HS2ST1: variants seen among roughly 807,000 people sequenced by gnomAD.
HS2ST1 encodes the protein 2-O-sulfotransferase.
In HS2ST1, 18 loss-of-function variants were observed where a neutral mutation model predicts 42.9. The ratio of observed to expected loss-of-function variants is 0.42; its 90% confidence interval spans 0.29 to 0.62. The LOEUF (loss-of-function observed/expected upper bound fraction) is 0.62. Among genes scored for constraint, HS2ST1 ranks in the 20% least tolerant of loss-of-function variants. The pLI is 0.21. For missense variants in HS2ST1, 334 were observed against 433.8 expected (o/e 0.77, Z 2.04); for synonymous variants, 146 against 152.9 (o/e 0.95, Z 0.33).
intron 1 of HS2ST1, among the ~76,000 whole-genome samples, chr1:87,057,667 C>G (rs189674039): frequency 6.6e-6 from 1 of 151,110 alleles, no homozygotes; most frequent in Non-Finnish European, 1.5e-5. Flanking sequence ...CTGGCTAACA[C>G]GGTGAAACCC....
intron 4 of HS2ST1, among the ~76,000 whole-genome samples, 194 bp downstream of exon 4, chr1:87,092,863 T>C (rs1651978695): frequency 6.6e-6 from 1 of 152,016 alleles, no homozygotes; most frequent in South Asian, 2.1e-4. Context: ...CATTTTTTTG[T>C]GATTTTTAAA....
chr1:87,072,499 TTG>T (rs34124612), intron 1 of HS2ST1, among the ~76,000 whole-genome samples: 105,271 of 151,446 alleles, frequency 0.7, 38,842 homozygotes, highest in East Asian at 0.97. Flanking sequence ...CATGCAATCT[TTG>T]TGTGTTTGAG....
intron 1 of HS2ST1, among the ~76,000 whole-genome samples, chr1:87,013,665 A>C (rs10873814): frequency 1.3e-5 from 2 of 152,044 alleles, no homozygotes; most frequent in Non-Finnish European, 2.9e-5. Flanking sequence ...TTTCTTTTCT[A>C]TTGCATTGTC....
chr1:86,932,631 T>C (rs1229603022), intron 1 of HS2ST1, among the ~76,000 whole-genome samples: 1 of 152,152 alleles, frequency 6.6e-6, no homozygotes, highest in African/African-American at 2.4e-5. Flanking sequence ...TCTCTGTCTG[T>C]ATTAGAACAG....
At chr1:86,992,297 C>T (rs1449393879) in intron 1 of HS2ST1, among the ~76,000 whole-genome samples, 1 of 151,252 alleles carries the variant, frequency 6.6e-6, no homozygotes, top group Non-Finnish European at 1.5e-5. Flanking sequence ...ACATTCTCAT[C>T]TTGAATAACT....
chr1:86,979,667 T>C (rs1648522055), intron 1 of HS2ST1, among the ~76,000 whole-genome samples: 1 of 152,254 alleles, frequency 6.6e-6, no homozygotes, highest in South Asian at 2.1e-4. Context: ...GCCATGAACC[T>C]GGGTGTACAA....
chr1:87,104,447 T>C, intron 6 of HS2ST1, 23 bp from the exon 7 acceptor site: 2 of 1,457,356 alleles, frequency 1.4e-6, no homozygotes, highest in Non-Finnish European at 1.9e-6. Context: ...TTACCTTTCC[T>C]TTTTTTCCCC....
chr1:87,051,205 G>T (rs1025553860), intron 1 of HS2ST1, among the ~76,000 whole-genome samples: 1 of 151,700 alleles, frequency 6.6e-6, no homozygotes, highest in African/African-American at 2.4e-5. Context: ...AAAAAGTCAC[G>T]TTAATTCTAC....
intron 2 of HS2ST1, among the ~76,000 whole-genome samples, chr1:87,081,843 T>G (rs961806416): frequency 5.3e-5 from 8 of 151,464 alleles, no homozygotes; most frequent in African/African-American, 1.2e-4. Flanking sequence ...AAAAATTATC[T>G]GGGTGCTCTA....
chr1:86,932,820 A>G (rs1245574785), intron 1 of HS2ST1, among the ~76,000 whole-genome samples: 11 of 152,158 alleles, frequency 7.2e-5, no homozygotes, highest in Admixed American at 2.6e-4. Flanking sequence ...AATTCTGAAG[A>G]AGGTAACATA....
At chr1:87,036,902 A>G (rs1650387980) in intron 1 of HS2ST1, among the ~76,000 whole-genome samples, 1 of 152,172 alleles carries the variant, frequency 6.6e-6, no homozygotes, top group South Asian at 2.1e-4. Context: ...AACATGGATA[A>G]CTGAAAGGTT....
chr1:86,966,767 TTTTG>T (rs1648060292), intron 1 of HS2ST1, among the ~76,000 whole-genome samples: 1 of 152,304 alleles, frequency 6.6e-6, no homozygotes, highest in African/African-American at 2.4e-5. Flanking sequence ...TAATAATGCT[TTTTG>T]TTTGTTAATT....
intron 1 of HS2ST1, among the ~76,000 whole-genome samples, chr1:87,013,000 G>A (rs61773071): frequency 5.9e-5 from 9 of 152,274 alleles, no homozygotes; most frequent in African/African-American, 9.6e-5. Flanking sequence ...CTGTGGCTTC[G>A]CAGGGTACAG....
intron 3 of HS2ST1, among the ~76,000 whole-genome samples, chr1:87,085,938 A>G (rs1651806631): frequency 6.6e-6 from 1 of 152,176 alleles, no homozygotes; most frequent in Non-Finnish European, 1.5e-5. Flanking sequence ...GCGTTTGAAT[A>G]TTTTCATAGT....
At chr1:87,066,939 A>T (rs1340211908) in intron 1 of HS2ST1, among the ~76,000 whole-genome samples, 1 of 152,140 alleles carries the variant, frequency 6.6e-6, no homozygotes, top group East Asian at 1.9e-4. Context: ...CATGGTGTAT[A>T]TGTGCCACAT....
At chr1:87,000,021 T>G (rs570533296) in intron 1 of HS2ST1, among the ~76,000 whole-genome samples, 40 of 152,270 alleles carry the variant, frequency 2.6e-4, no homozygotes, top group African/African-American at 8.9e-4. Context: ...GTTGGTTGAA[T>G]GTAAACATTA....
intron 1 of HS2ST1, among the ~76,000 whole-genome samples, chr1:87,015,569 T>C (rs1413325808): frequency 2.1e-5 from 3 of 141,176 alleles, no homozygotes. Flanking sequence ...TCGTCTTGAT[T>C]TCCTGACCTC....
chr1:86,976,177 G>A (rs1346084689), intron 1 of HS2ST1, among the ~76,000 whole-genome samples: 1 of 152,148 alleles, frequency 6.6e-6, no homozygotes, highest in African/African-American at 2.4e-5. Context: ...ATTCTAAGTT[G>A]GAAACCCTCA....
At chr1:86,976,576 C>T (rs1277618680) in intron 1 of HS2ST1, among the ~76,000 whole-genome samples, 1 of 151,440 alleles carries the variant, frequency 6.6e-6, no homozygotes, top group Non-Finnish European at 1.5e-5. Flanking sequence ...CTTAATTTAA[C>T]ACCACTTTTG....
Sources: allele counts gnomAD v4.1 joint callset (sites outside exome capture counted in the v4.1 genomes callset), GRCh38; gene constraint gnomAD v4.1.1; transcripts MANE v1.5; gene names NCBI Gene and HGNC (gene_info 2026-07-23, HGNC 2026-07-21).